The following ANKRD29 variants were observed in gnomAD, a reference collection of about 807,000 sequenced individuals.
The protein encoded by ANKRD29 is ankyrin repeat domain 29.
A neutral mutation model predicts 38.0 loss-of-function variants in ANKRD29; 32 were observed. The ratio of observed to expected loss-of-function variants is 0.84; its 90% CI spans 0.64 to 1.13. The LOEUF is 1.13. ANKRD29 is among the 50% of genes most tolerant of loss of function. ANKRD29 has a pLI of 0.00. For synonymous variants in ANKRD29, 135 were observed against 152.4 expected (o/e 0.89, Z 0.84); for missense variants, 357 against 377.9 (o/e 0.94, Z 0.46).
At chr18:23,651,174 C>A (rs1360764517) in intron 1 of ANKRD29, among the ~76,000 whole-genome samples, 1 of 152,166 alleles carries the variant, frequency 6.6e-6, no homozygotes, top group Non-Finnish European at 1.5e-5. Flanking sequence ...CTTGTACATA[C>A]CTGAATGAGA....
chr18:23,628,257 A>G (rs1256905876), intron 6 of ANKRD29, among the ~76,000 whole-genome samples: 1 of 152,212 alleles, frequency 6.6e-6, no homozygotes, highest in African/African-American at 2.4e-5. Flanking sequence ...CCTGACCTCA[A>G]AACCACTTTG....
intron 1 of ANKRD29, among the ~76,000 whole-genome samples, chr18:23,654,238 C>T (rs899182426): frequency 6.6e-6 from 1 of 151,380 alleles, no homozygotes; most frequent in Non-Finnish European, 1.5e-5. Flanking sequence ...TGCACTCCAG[C>T]CTGGTGACAG....
chr18:23,617,717 A>C lies in ANKRD29; in HGVS notation c.723+15T>G, dbSNP rs2145655497. On this transcript the variant is annotated intron_variant, in intron 8 of 9. Transcript: ENST00000592179. The stretch of plus-strand genomic sequence containing the variant: ...TCTCTCTTACAGATTAGTAAAATTT[A>C]TCTTTAGGTCTTACCTTCAAAATAC... The C allele has an allele frequency of 6.2e-7, 1 of 1,606,388 alleles. No homozygotes were observed. Among genetic ancestry groups the C allele is most frequent in the East Asian group, 2.2e-5 (1 of 44,826 alleles).
intron 3 of ANKRD29, among the ~76,000 whole-genome samples, chr18:23,639,586 A>C (rs1372411214): frequency 7.1e-6 from 1 of 141,596 alleles, no homozygotes; most frequent in African/African-American, 2.7e-5. Flanking sequence ...GGCTGGATGG[A>C]GTGCAGTGGT....
chr18:23,612,653 C>T (rs1271653801), intron 8 of ANKRD29, among the ~76,000 whole-genome samples: 1 of 152,150 alleles, frequency 6.6e-6, no homozygotes, highest in East Asian at 1.9e-4. Flanking sequence ...ACTCTGAGCA[C>T]TCAGGTGGGC....
chr18:23,659,472 C>T (rs1184801470), intron 1 of ANKRD29, among the ~76,000 whole-genome samples: 1 of 152,092 alleles, frequency 6.6e-6, no homozygotes, highest in African/African-American at 2.4e-5. Flanking sequence ...AGGCTGGGTG[C>T]GGTGGCTTAT....
chr18:23,607,760 C>G (rs182396046), intron 9 of ANKRD29, among the ~76,000 whole-genome samples: 1 of 152,182 alleles, frequency 6.6e-6, no homozygotes, highest in South Asian at 2.1e-4. Flanking sequence ...AAGGCTATCT[C>G]GTTCATTATG....
chr18:23,601,980 A>T (rs187705382), intron 9 of ANKRD29, among the ~76,000 whole-genome samples: 2 of 151,900 alleles, frequency 1.3e-5, no homozygotes, highest in African/African-American at 4.8e-5. Flanking sequence ...TTAATGTATG[A>T]CATGAGGTAG....
At chr18:23,647,380 T>C (rs1226215808) in intron 2 of ANKRD29, 1 of 152,242 alleles carries the variant, frequency 6.6e-6, no homozygotes, top group Non-Finnish European at 1.5e-5. Flanking sequence ...GATAATTCAA[T>C]GTTAGGCTGT....
chr18:23,614,637 C>T (rs1248423023), intron 8 of ANKRD29, among the ~76,000 whole-genome samples: 1 of 147,208 alleles, frequency 6.8e-6, no homozygotes, highest in African/African-American at 2.5e-5. Context: ...AGGTCAAGAC[C>T]AGCCTGGGCA....
chr18:23,641,936 T>G (rs990610929), intron 3 of ANKRD29, among the ~76,000 whole-genome samples: 1 of 151,996 alleles, frequency 6.6e-6, no homozygotes. Context: ...AGCTATCCAT[T>G]TTGGGTCTCC....
chr18:23,632,374 ATTGT>A (rs1303653115), intron 5 of ANKRD29, among the ~76,000 whole-genome samples: 1 of 151,938 alleles, frequency 6.6e-6, no homozygotes, highest in Non-Finnish European at 1.5e-5. Context: ...AAATATTTAG[ATTGT>A]TTGGGTAAAG....
intron 3 of ANKRD29, among the ~76,000 whole-genome samples, chr18:23,643,456 G>A (rs2060102580): frequency 6.6e-6 from 1 of 152,198 alleles, no homozygotes; most frequent in Non-Finnish European, 1.5e-5. Flanking sequence ...TTTTCTAGAA[G>A]TTGTTTCTTT....
chr18:23,651,303 C>T (rs1046745598), intron 1 of ANKRD29, among the ~76,000 whole-genome samples: 19 of 152,132 alleles, frequency 1.2e-4, no homozygotes, highest in Non-Finnish European at 8.8e-5. Flanking sequence ...CTTTCCTGAC[C>T]GTGTAAATTT....
intron 1 of ANKRD29, among the ~76,000 whole-genome samples, chr18:23,656,059 C>G (rs537568643): frequency 6.8e-6 from 1 of 147,822 alleles, no homozygotes. Context: ...CGCCACTGCA[C>G]TCCAGCCTGG....
intron 9 of ANKRD29, among the ~76,000 whole-genome samples, chr18:23,606,811 C>T (rs1466225565): frequency 6.6e-6 from 1 of 152,180 alleles, no homozygotes; most frequent in Non-Finnish European, 1.5e-5. Context: ...TTACAGTTAG[C>T]TATGATGGCA....
intron 1 of ANKRD29, among the ~76,000 whole-genome samples, chr18:23,660,652 A>G (rs912853348): frequency 1.3e-5 from 2 of 152,128 alleles, no homozygotes; most frequent in African/African-American, 4.8e-5. Flanking sequence ...CTAAAATTAC[A>G]AAAAATTAGC....
intron 9 of ANKRD29, among the ~76,000 whole-genome samples, chr18:23,611,778 C>T (rs572800865): frequency 7.2e-5 from 11 of 152,120 alleles, no homozygotes; most frequent in African/African-American, 2.4e-4. Context: ...AAATGACCGG[C>T]TTCTGGGTCA....
chr18:23,626,682 T>C (rs183496322), intron 6 of ANKRD29, among the ~76,000 whole-genome samples: 1 of 152,360 alleles, frequency 6.6e-6, no homozygotes, highest in African/African-American at 2.4e-5. Context: ...TTTGGGATTA[T>C]GATTCCTCAT....
Sources: gnomAD v4.1 joint callset for allele counts (sites outside exome capture counted in the v4.1 genomes callset) on GRCh38, gnomAD v4.1.1 for gene constraint, MANE v1.5 for transcripts, NCBI Gene and HGNC (gene_info 2026-07-23, HGNC 2026-07-21) for gene names.